Variants in FRYL observed in about 807,000 individuals in gnomAD.
FRYL encodes protein furry homolog-like.
FRYL carries 150 observed loss-of-function variants against 351.2 expected under a neutral mutation model. That is an observed-to-expected ratio of 0.43 (90% confidence interval 0.37 to 0.49). The LOEUF is 0.49. Ranked by LOEUF, FRYL falls within the 20% of genes least tolerant of loss-of-function variation. The pLI is 0.00. For missense variants in FRYL, 3,036 were observed against 3,619.3 expected (o/e 0.84, Z 4.13); for synonymous variants, 1,153 against 1,257.1 (o/e 0.92, Z 1.75).
chr4:48,527,339 A>C, intron 53 of FRYL, 138 bp downstream of exon 53: 1 of 488,446 alleles, frequency 2.0e-6, no homozygotes, highest in East Asian at 3.1e-5. Context: ...TAATTGTGGT[A>C]ATCAAATTTA....
At chr4:48,556,360 T>C (rs987020631) in intron 35 of FRYL, among the ~76,000 whole-genome samples, 3 of 152,242 alleles carry the variant, frequency 2.0e-5, no homozygotes, top group African/African-American at 7.2e-5. Flanking sequence ...ATGTGTCCTC[T>C]TGACTTGGGC....
chr4:48,608,539 C>G (rs1453280435), intron 9 of FRYL, among the ~76,000 whole-genome samples: 4 of 152,074 alleles, frequency 2.6e-5, no homozygotes, highest in Non-Finnish European at 5.9e-5. Flanking sequence ...AATCTAGTAT[C>G]TTTCATCTTT....
At chr4:48,695,703 T>G (rs1332777461) in intron 2 of FRYL, among the ~76,000 whole-genome samples, 1 of 152,050 alleles carries the variant, frequency 6.6e-6, no homozygotes, top group East Asian at 1.9e-4. Flanking sequence ...ACTAAAGAGC[T>G]TCTCTACATC....
chr4:48,718,237 G>A (rs1355477868), intron 1 of FRYL, among the ~76,000 whole-genome samples: 1 of 151,504 alleles, frequency 6.6e-6, no homozygotes, highest in African/African-American at 2.4e-5. Flanking sequence ...TCAAAAATGA[G>A]TGCAAAAACA....
intron 7 of FRYL, among the ~76,000 whole-genome samples, chr4:48,613,599 G>A (rs1349596879): frequency 6.6e-6 from 1 of 152,156 alleles, no homozygotes; most frequent in Non-Finnish European, 1.5e-5. Context: ...TGAGGGAAAT[G>A]AAGTTCAGAG....
At chr4:48,777,905 G>A (rs559909501) in intron 1 of FRYL, among the ~76,000 whole-genome samples, 57 of 152,208 alleles carry the variant, frequency 3.7e-4, no homozygotes, top group Non-Finnish European at 4.9e-4. Flanking sequence ...TACTACAAAC[G>A]GCCAAGCACG....
In FRYL at chr4:48,523,046, T is replaced by C. The variant is rs1451922551; in HGVS notation, c.7376A>G (p.Asp2459Gly). The C allele has an allele frequency of 6.2e-7, 1 of 1,613,818 alleles. No individual in the cohort carries two copies. Among genetic ancestry groups the C allele is most frequent in the Non-Finnish European group, 8.5e-7 (1 of 1,179,910 alleles). ...GVRRRSLDSI[D>G]KGDTPSLQEY... ...CTGGAGGGATGGAGTGTCCCCTTTGTCAATACTGTCCAGTGAGCGCCTGCG... is the reference window on the plus strand; with the variant it reads ...CTGGAGGGATGGAGTGTCCCCTTTGCCAATACTGTCCAGTGAGCGCCTGCG... The change falls in exon 54 of 64, where the codon GAC becomes GGC. Residue 2459 changes from aspartate (D) to glycine (G), a missense_variant. Physicochemically the swap from Asp to Gly is moderately conservative, Grantham distance 94. This residue lies in a region of FRYL where 1,987 missense variants were observed against 2,311.7 expected (regional missense o/e 0.86). Transcript: ENST00000358350.
chr4:48,508,683 G>T lies in FRYL; in HGVS notation c.8394+1376C>A, dbSNP rs551021706. 6.6e-5 allele frequency among the ~76,000 whole-genome samples: 10 copies of T among 152,172 alleles called. No homozygotes were observed. In the South Asian group the frequency reaches 1.9e-3, roughly 28 times the overall value. On this transcript the variant is annotated intron_variant, in intron 59 of 63. Transcript: ENST00000358350. ...AGCGGCAGGGTTGAAGTTCCAAGTT[G>T]GCTTCACTCATATGTCTTGCACACT...
Position 48,553,257 on chromosome 4 carries a change from A to G in FRYL, c.4393T>C (p.Tyr1465His). ...GVTHMDNPPY[Y>H]RITSSYKIPS... ...ATTTTATAGCTGGAAGTGATGCGAT[A>G]ATACGGGGGATTATCCATGTGAGTG... The change falls in exon 36 of 64, where the codon TAT becomes CAT. Residue 1465 changes from tyrosine to histidine, a missense_variant. By Grantham distance (83) the Tyr-to-His change is moderately conservative. Coordinates refer to ENST00000358350, the MANE Select transcript of FRYL (RefSeq NM_015030.2). 6.2e-7 allele frequency: 1 copy of G among 1,613,564 alleles called. No homozygotes were observed. The highest frequency in any genetic ancestry group is 8.5e-7 in the Non-Finnish European group (1 of 1,179,848).
chr4:48,630,008 A>G (rs1184444759), intron 4 of FRYL, among the ~76,000 whole-genome samples: 1 of 152,168 alleles, frequency 6.6e-6, no homozygotes, highest in Non-Finnish European at 1.5e-5. Flanking sequence ...GAAGATAGGG[A>G]GGTTAAGCAA....
Position 48,567,570 on chromosome 4 carries a change from G to T in FRYL, c.2997-150C>A. The T allele has an allele frequency of 1.7e-6, 1 of 573,302 alleles. No homozygotes were observed. Among genetic ancestry groups the T allele is most frequent in the Non-Finnish European group, 2.9e-6 (1 of 343,960 alleles). 35.5% of individuals were successfully genotyped at this position (573,302 alleles called of 1,614,324 possible). A position where few individuals can be genotyped will look rare whatever the true frequency, so the allele number is the denominator to read the frequency against. On this transcript the variant is annotated intron_variant, in intron 27 of 63. Coordinates refer to ENST00000358350, the MANE Select transcript of FRYL (RefSeq NM_015030.2). This position sits in a 1 kb window ranked among gnomAD's most constrained non-coding sequence, Gnocchi z 4.2. ...TAATATATGAAAATTAAATGAATAT[G>T]ATTTTGCTTACTTTAATATGAAAAT...
chr4:48,541,923 C>T lies in FRYL; in HGVS notation c.5687+104G>A, dbSNP rs1730257272. 6.6e-6 allele frequency: 5 copies of T among 759,340 alleles called. No homozygotes were observed. The Middle Eastern group carries it at 8.5e-4, about 129-fold the overall frequency. The allele number at this position is 759,340 out of a possible 1,614,324, so 47.0% of individuals were successfully genotyped here. A position where few individuals can be genotyped will look rare whatever the true frequency, so the allele number is the denominator to read the frequency against. On this transcript the variant is annotated intron_variant, in intron 45 of 63. Coordinates refer to ENST00000358350, the MANE Select transcript of FRYL (RefSeq NM_015030.2). ...CCACTGGTAATCCATCTAATTTGGG[C>T]AGTATTGTGCTTACTAACAATATTA...
chr4:48,501,667 A>G lies in FRYL; in HGVS notation c.8548T>C (p.Cys2850Arg). 2 of 1,610,418 alleles carry G rather than the reference A, an allele frequency of 1.2e-6. No individual in the cohort carries two copies. The highest frequency in any genetic ancestry group is 1.1e-5 in the South Asian group (1 of 90,884). Residue 2850 changes from cysteine to arginine, a missense_variant, in exon 62 of 64, where the codon TGT (cysteine) becomes CGT (arginine). Around this residue, in one of 7 missense-constraint regions of FRYL, gnomAD observed 1,987 missense variants for 2,311.7 expected, o/e 0.86. Coordinates refer to ENST00000358350, the MANE Select transcript of FRYL (RefSeq NM_015030.2). ...FQLLLLFQAY[C>R]KLINQVNTIK... is the part of the protein sequence containing the mutation. ...GTATTTACTTGGTTGATAAGTTTACAGTAGGCCTGGAACAGAAGCAGCAAT... is the reference window on the plus strand; with the variant it reads ...GTATTTACTTGGTTGATAAGTTTACGGTAGGCCTGGAACAGAAGCAGCAAT...
intron 3 of FRYL, among the ~76,000 whole-genome samples, chr4:48,651,213 CGTGTGTGT>C (rs10604700): frequency 0.099 from 10,421 of 104,876 alleles, 951 homozygotes; most frequent in African/African-American, 0.17. Flanking sequence ...CCACATGCAC[CGTGTGTGT>C]GTGTGTGTGT....
At chr4:48,529,810 G>C (rs74563591) in intron 50 of FRYL, among the ~76,000 whole-genome samples, 1 of 151,950 alleles carries the variant, frequency 6.6e-6, no homozygotes, top group African/African-American at 2.4e-5. Flanking sequence ...AGGTGCCAGA[G>C]GGAAAAAAAA....
In FRYL at chr4:48,512,607, G is replaced by A. The variant is rs759921044; in HGVS notation, c.8019C>T (p.Ala2673=). 2.4e-5 allele frequency: 39 copies of A among 1,613,894 alleles called. No homozygotes were observed. The highest frequency in any genetic ancestry group is 3.3e-5 in the Admixed American group (2 of 59,978). The stretch of plus-strand genomic sequence containing the variant: ...CATCATATGCCACGGGCTGAAAGGC[G>A]GCTATGATGGCAGAAAGAAATGGTG... ...LPSPFLSAII[A]AFQPVAYDDE... The change falls in exon 57 of 64, where the codon GCC becomes GCT. Residue 2673 remains alanine, a synonymous_variant. Transcript: ENST00000358350.
At chr4:48,663,774 CAAAAAAAAAAAA>C (rs71191251) in intron 3 of FRYL, among the ~76,000 whole-genome samples, 2 of 70,112 alleles carry the variant, frequency 2.9e-5, no homozygotes, top group Non-Finnish European at 5.4e-5. Context: ...GACTCCGTCT[CAAAAAAAAAAAA>C]AAAAAAAAAA....
chr4:48,575,661 G>A lies in FRYL; in HGVS notation c.2721+369C>T, dbSNP rs1030623392. Among the ~76,000 whole-genome samples, 7 of 152,280 alleles carry A rather than the reference G, an allele frequency of 4.6e-5. No homozygotes were observed. In the East Asian group the frequency reaches 9.6e-4, roughly 21 times the overall value. ...TATCAAGTACCCTTTAGATCACTAC[G>A]TAATTTAGGGAAATTCTAGAAAGGC... On this transcript the variant is annotated intron_variant, in intron 24 of 63. Coordinates refer to ENST00000358350, the MANE Select transcript of FRYL (RefSeq NM_015030.2).
At position 48,547,512 on chromosome 4, in the gene FRYL, C is replaced by T. The variant is rs2148968622; in HGVS notation, c.5074+72G>A. 6.1e-6 allele frequency: 5 copies of T among 819,448 alleles called. No homozygotes were observed. The East Asian group carries it at 1.4e-4, about 24-fold the overall frequency. 50.8% of individuals were successfully genotyped at this position (819,448 alleles called of 1,614,324 possible). ...AGTATTTCAACTTTTATTCAGTTGA[C>T]TTTCTCTAATGCAGGATTCCAAATT... On this transcript the variant is annotated intron_variant, in intron 41 of 63. Coordinates refer to ENST00000358350, the MANE Select transcript of FRYL (RefSeq NM_015030.2).
Sources: gnomAD v4.1 joint callset for allele counts (sites outside exome capture counted in the v4.1 genomes callset) on GRCh38, gnomAD v4.1.1 for gene constraint, gnomAD v4.1.1 regional missense constraint, Gnocchi (gnomAD v3.1) non-coding constraint, MANE v1.5 for transcripts, NCBI Gene and HGNC (gene_info 2026-07-23, HGNC 2026-07-21) for gene names.